CCDC88A: variants seen among roughly 807,000 people sequenced by gnomAD.
CCDC88A encodes the protein girdin.
Under a neutral mutation model 234.3 loss-of-function variants are expected in CCDC88A, and 54 were observed. The ratio of observed to expected loss-of-function variants is 0.23; its 90% CI spans 0.19 to 0.29. CCDC88A has a LOEUF of 0.29. Among genes scored for constraint, CCDC88A ranks in the 10% least tolerant of loss-of-function variants. The probability of loss-of-function intolerance (pLI) is 1.00; values close to 1 mark genes in which losing one functional copy is unlikely to be tolerated. For missense variants in CCDC88A, 1,832 were observed against 2,123.4 expected (o/e 0.86, Z 2.70); for synonymous variants, 753 against 737.8 (o/e 1.02, Z -0.33).
At chr2:55,349,996 T>A (rs540982475) in intron 8 of CCDC88A, 2 of 155,098 alleles carry the variant, frequency 1.3e-5, no homozygotes, top group Non-Finnish European at 2.8e-5. Flanking sequence ...TGGCGCAAAC[T>A]TGACTCACTG....
At position 55,308,896 on chromosome 2, in the gene CCDC88A, G is replaced by A; in HGVS notation, c.4300C>T (p.Leu1434Phe). 1 of 1,614,050 alleles carries A rather than the reference G, an allele frequency of 6.2e-7. No homozygotes were observed. Among genetic ancestry groups the A allele is most frequent in the Non-Finnish European group, 8.5e-7 (1 of 1,179,918 alleles). ...RSDSSEGFLQ[L>F]PHQDSQDSSS... ...CTATCTTGACTGTCTTGATGAGGGAGCTGAAGAAATCCTTCACTGGAGTCT... is the reference window on the plus strand; with the variant it reads ...CTATCTTGACTGTCTTGATGAGGGAACTGAAGAAATCCTTCACTGGAGTCT... Residue 1434 changes from leucine (L) to phenylalanine (F), a missense_variant, in exon 25 of 33, where the codon CTC becomes TTC. Coordinates refer to ENST00000436346, the MANE Select transcript of CCDC88A (RefSeq NM_001365480.1).
chr2:55,385,710 G>C (rs1051786962), intron 3 of CCDC88A, among the ~76,000 whole-genome samples: 1 of 151,354 alleles, frequency 6.6e-6, no homozygotes, highest in South Asian at 2.1e-4. Context: ...AAAATTAGCC[G>C]GGCCTGGTGG....
chr2:55,351,745 G>C (rs868178127), intron 8 of CCDC88A, among the ~76,000 whole-genome samples: 1 of 152,140 alleles, frequency 6.6e-6, no homozygotes, highest in Non-Finnish European at 1.5e-5. Context: ...ATTCAAAACA[G>C]ATGTCTACAG....
Position 55,295,698 on chromosome 2 carries a change from C to T in CCDC88A, c.5450G>A (p.Arg1817Gln), listed in dbSNP as rs778440423. 4.3e-6 allele frequency: 7 copies of T among 1,614,042 alleles called. No individual in the cohort carries two copies. The highest frequency in any genetic ancestry group is 2.2e-5 in the East Asian group (1 of 44,896). ...CAAAAAATCATGGATGCTTGTCCTT[C>T]GTGTAGTTCCTTCGGCAGTTGAGAT... ...SVISTAEGTT[R>Q]RTSIHDFLTK... Residue 1817 changes from arginine to glutamine, a missense_variant, in exon 31 of 33, where the codon CGA becomes CAA. Physicochemically the swap from Arg to Gln is conservative, Grantham distance 43 (BLOSUM62 1). This residue lies in a region of CCDC88A where 422 missense variants were observed against 416.5 expected (regional missense o/e 1.01). Coordinates refer to ENST00000436346, the MANE Select transcript of CCDC88A (RefSeq NM_001365480.1).
chr2:55,419,124 G>C lies in CCDC88A; in HGVS notation c.-45C>G. On this transcript the variant is annotated 5_prime_UTR_variant, in exon 1 of 33. Coordinates refer to ENST00000436346, the MANE Select transcript of CCDC88A (RefSeq NM_001365480.1). ...AAAAAAGGAACTACCACAAAAATAC[G>C]CCTAGGGAATTGGTCACTAAACGTG... 1 of 1,177,586 alleles carries C rather than the reference G, an allele frequency of 8.5e-7. No individual in the cohort carries two copies. The highest frequency in any genetic ancestry group is 1.3e-5 in the South Asian group (1 of 79,526). The allele number at this position is 1,177,586 out of a possible 1,614,324, so 72.9% of individuals were successfully genotyped here.
intron 31 of CCDC88A, 81 bp from the exon 32 acceptor site, chr2:55,291,856 T>A: frequency 9.6e-7 from 1 of 1,038,718 alleles, no homozygotes; most frequent in Non-Finnish European, 1.5e-6. Flanking sequence ...ACACTCTCAC[T>A]GAGTAGGGCA....
intron 2 of CCDC88A, among the ~76,000 whole-genome samples, chr2:55,392,827 G>A (rs1019124153): frequency 6.6e-6 from 1 of 152,152 alleles, no homozygotes; most frequent in Non-Finnish European, 1.5e-5. Flanking sequence ...CCCACATTAA[G>A]TGTAGGTCTC....
At chr2:55,320,254 A>G (rs1683460455) in intron 18 of CCDC88A, among the ~76,000 whole-genome samples, 1 of 152,182 alleles carries the variant, frequency 6.6e-6, no homozygotes, top group Non-Finnish European at 1.5e-5. Flanking sequence ...ATTGTAGTTT[A>G]GCACTTTAGA....
chr2:55,367,828 C>A (rs986926644), intron 5 of CCDC88A, among the ~76,000 whole-genome samples: 10 of 151,964 alleles, frequency 6.6e-5, no homozygotes, highest in African/African-American at 1.2e-4. Flanking sequence ...TCTAAGGGTA[C>A]ATAAAAGGGT....
rs1683789068 is a variant in CCDC88A at position 55,322,754 on chromosome 2, CAATT to C, written c.2998-66_2998-63del. 4 of 908,020 alleles carry C rather than the reference CAATT, an allele frequency of 4.4e-6. No individual in the cohort carries two copies. The African/African-American group carries it at 5.1e-5, about 12-fold the overall frequency. 56.2% of individuals were successfully genotyped at this position (908,020 alleles called of 1,614,324 possible). Reference sequence around the variant, plus strand: ...AAAATCACCACAGTTACATTTCTCTCAATTAATTTGACTCTGGGCTGATCTGGTG... The same window carrying C: ...AAAATCACCACAGTTACATTTCTCTCAATTTGACTCTGGGCTGATCTGGTG... On this transcript the variant is annotated intron_variant, in intron 17 of 32. Coordinates refer to ENST00000436346, the MANE Select transcript of CCDC88A (RefSeq NM_001365480.1).
At chr2:55,370,456 A>G (rs756844099) in intron 5 of CCDC88A, among the ~76,000 whole-genome samples, 1 of 152,022 alleles carries the variant, frequency 6.6e-6, no homozygotes, top group East Asian at 1.9e-4. Context: ...AGCCTGGCCA[A>G]CATGGTGAAA....
chr2:55,338,862 A>G (rs1446186749), intron 13 of CCDC88A: 6 of 152,254 alleles, frequency 3.9e-5, no homozygotes. Context: ...TAATGACACT[A>G]AAGAAACTCA....
At chr2:55,299,083 C>T (rs1290462150) in intron 29 of CCDC88A, among the ~76,000 whole-genome samples, 1 of 151,678 alleles carries the variant, frequency 6.6e-6, no homozygotes, top group Non-Finnish European at 1.5e-5. Context: ...TGGCACCTGC[C>T]GTTCCAGCTA....
rs1049045969 is a variant in CCDC88A, at chr2:55,302,836, G to C, written c.4471+233C>G. The C allele has an allele frequency of 1.9e-5, 5 of 264,342 alleles. No homozygotes were observed. The Admixed American group carries it at 2.5e-4, about 13-fold the overall frequency. The allele number at this position is 264,342 out of a possible 1,614,324, so 16.4% of individuals were successfully genotyped here. On this transcript the variant is annotated intron_variant, in intron 26 of 32. Coordinates refer to ENST00000436346, the MANE Select transcript of CCDC88A (RefSeq NM_001365480.1). ...TTTTTAGAAAGCACTGGAAATTTAC[G>C]AGTAAGTTACATGTATGACTAGAAA...
In CCDC88A at chr2:55,336,771, C is replaced by G. The variant is rs1685504406; in HGVS notation, c.1566G>C (p.Gln522His). 8 of 1,592,244 alleles carry G rather than the reference C, an allele frequency of 5.0e-6. No homozygotes were observed. Among genetic ancestry groups the G allele is most frequent in the African/African-American group, 1.3e-5 (1 of 74,294 alleles). The change falls in exon 14 of 33, where the codon CAG becomes CAC. Residue 522 changes from glutamine to histidine, a missense_variant. Transcript: ENST00000436346. ...GATCCTTGCTTAAATTCTGACAATT[C>G]TGAAGACTTTGCTTTTCTTGAACAA... ...NEIVQEKQSLQNCQNLSKDLM... is the reference protein window; with the variant it reads ...NEIVQEKQSLHNCQNLSKDLM...
intron 5 of CCDC88A, among the ~76,000 whole-genome samples, chr2:55,364,879 G>A (rs1381945271): frequency 6.6e-6 from 1 of 152,078 alleles, no homozygotes; most frequent in Non-Finnish European, 1.5e-5. Flanking sequence ...CAAATGCAAA[G>A]TGCCTACAAA....
intron 23 of CCDC88A, among the ~76,000 whole-genome samples, chr2:55,311,468 G>C (rs1252081526): frequency 2.0e-5 from 3 of 152,188 alleles, no homozygotes; most frequent in African/African-American, 4.8e-5. Flanking sequence ...TGTACATCAA[G>C]TCTGAGAGGC....
intron 25 of CCDC88A, among the ~76,000 whole-genome samples, chr2:55,305,158 T>A (rs1313060739): frequency 6.6e-6 from 1 of 152,222 alleles, no homozygotes; most frequent in Non-Finnish European, 1.5e-5. Flanking sequence ...CATGCACATG[T>A]TGTCTTGTTT....
At position 55,419,259 on chromosome 2, in the gene CCDC88A, G is replaced by T. The variant is rs1681956212; in HGVS notation, c.-180C>A. On this transcript the variant is annotated 5_prime_UTR_variant, in exon 1 of 33. It introduces an in-frame stop codon into an upstream open reading frame of the 5' UTR. Transcript: ENST00000436346. ...AAAACACCCCAGAGTGAAACGAGCC[G>T]AAATCCCAAGAAGTGGCTTCGACGA... is the stretch of plus-strand genomic sequence containing the variant. The T allele has an allele frequency of 1.7e-6, 1 of 573,598 alleles. No homozygotes were observed. Among genetic ancestry groups the T allele is most frequent in the Admixed American group, 3.1e-5 (1 of 31,856 alleles). 35.5% of individuals were successfully genotyped at this position (573,598 alleles called of 1,614,324 possible).
Sources: gnomAD v4.1 joint callset for allele counts (sites outside exome capture counted in the v4.1 genomes callset) on GRCh38, gnomAD v4.1.1 for gene constraint, gnomAD v4.1.1 regional missense constraint, MANE v1.5 for transcripts, NCBI Gene and HGNC (gene_info 2026-07-23, HGNC 2026-07-21) for gene names.